Variants in ZFP69B observed in about 807,000 individuals in gnomAD.
The protein encoded by ZFP69B is ZFP69 zinc finger protein B, also known as zinc finger protein 69 homolog B.
ZFP69B carries 20 observed loss-of-function variants against 19.7 expected under a neutral mutation model. The ratio of observed to expected loss-of-function variants is 1.02; its 90% confidence interval spans 0.71 to 1.48. The LOEUF (loss-of-function observed/expected upper bound fraction) is 1.48, where lower values mean the gene tolerates loss of function less well. Ranked by LOEUF, ZFP69B falls within the 40% of genes most tolerant of loss-of-function variation. The pLI is 0.00. For synonymous variants in ZFP69B, 220 were observed against 222.7 expected (o/e 0.99, Z 0.11); for missense variants, 583 against 632.6 (o/e 0.92, Z 0.84).
intron 4 of ZFP69B, among the ~76,000 whole-genome samples, chr1:40,460,160 C>T (rs1157933944): frequency 6.6e-6 from 1 of 152,084 alleles, no homozygotes; most frequent in Non-Finnish European, 1.5e-5. Context: ...CATCCACAAC[C>T]CATCAATTTC....
chr1:40,450,199 T>G (rs1645170607), upstream of ZFP69B: 1 of 152,262 alleles, frequency 6.6e-6, no homozygotes, highest in Admixed American at 6.5e-5. Flanking sequence ...TGTCCCGGGC[T>G]TGGGGAGCTG....
chr1:40,451,913 T>C (rs12564652), intron 1 of ZFP69B, among the ~76,000 whole-genome samples: 12,998 of 151,930 alleles, frequency 0.086, 730 homozygotes, highest in East Asian at 0.21. Flanking sequence ...GAGTTTGAGG[T>C]CAGCAGTTTG....
Position 40,463,028 on chromosome 1 carries a change from A to G in ZFP69B, c.1044A>G (p.Ser348=), listed in dbSNP as rs761884118. 21 of 1,614,154 alleles carry G rather than the reference A, an allele frequency of 1.3e-5. No homozygotes were observed. Among genetic ancestry groups the G allele is most frequent in the East Asian group, 2.2e-5 (1 of 44,876 alleles). ...GTGGGAAAACCTTCAGACATCCTTCATCGCTTACTCAACATGTTAGAATTC... is the reference window on the plus strand; with the variant it reads ...GTGGGAAAACCTTCAGACATCCTTCGTCGCTTACTCAACATGTTAGAATTC... ...KECGKTFRHP[S]SLTQHVRIHT... The change falls in exon 5 of 5, where the codon TCA becomes TCG. Residue 348 remains serine (S), a synonymous_variant. Coordinates refer to ENST00000361584, the MANE Select transcript of ZFP69B (RefSeq NM_023070.3).
Position 40,457,385 on chromosome 1 carries a change from A to G in ZFP69B, c.382A>G (p.Lys128Glu), listed in dbSNP as rs369459004. 5 of 1,614,018 alleles carry G rather than the reference A, an allele frequency of 3.1e-6. No individual in the cohort carries two copies. The South Asian group carries it at 5.5e-5, about 18-fold the overall frequency. Residue 128 changes from lysine to glutamate, a missense_variant, in exon 4 of 5, where the codon AAA (lysine) becomes GAA (glutamate). By Grantham distance (56) the Lys-to-Glu change is moderately conservative. Transcript: ENST00000361584. The stretch of plus-strand genomic sequence containing the variant: ...ACCTGGCGTGATTTCCCAGTTGGAG[A>G]AAGGAGAAGAACCATGGCTGATGGA... ...SKPGVISQLE[K>E]GEEPWLMERD...
In ZFP69B at chr1:40,457,056, A is replaced by G; in HGVS notation, c.325A>G (p.Asn109Asp). The change falls in exon 3 of 5, where the codon AAC becomes GAC. Residue 109 changes from asparagine (N) to aspartate (D), a missense_variant. By Grantham distance (23) the Asn-to-Asp change is conservative. Coordinates refer to ENST00000361584, the MANE Select transcript of ZFP69B (RefSeq NM_023070.3). ...YREVMLENYG[N>D]LVSVGCQLSK... is the part of the protein sequence containing the mutation. ...GGAGGTGATGCTGGAGAACTATGGGAACCTGGTCTCAGTGGGTAAGGATGG... is the reference window on the plus strand; with the variant it reads ...GGAGGTGATGCTGGAGAACTATGGGGACCTGGTCTCAGTGGGTAAGGATGG... The G allele has an allele frequency of 6.2e-7, 1 of 1,606,560 alleles. No individual in the cohort carries two copies. The highest frequency in any genetic ancestry group is 1.1e-5 in the South Asian group (1 of 89,548).
intron 2 of ZFP69B, among the ~76,000 whole-genome samples, chr1:40,455,441 TG>T (rs1343230535): frequency 6.6e-6 from 1 of 152,210 alleles, no homozygotes; most frequent in Non-Finnish European, 1.5e-5. Context: ...AGGTTAAATG[TG>T]GATGCTAACA....
rs746180211 is a variant in ZFP69B at position 40,462,983 on chromosome 1, A to G, written c.999A>G (p.Lys333=). 1 of 1,614,078 alleles carries G rather than the reference A, an allele frequency of 6.2e-7. No homozygotes were observed. Among genetic ancestry groups the G allele is most frequent in the Non-Finnish European group, 8.5e-7 (1 of 1,180,002 alleles). ...ATCAGAGAATTCATACTGGTGAGAA[A>G]CCCTATGAATGTAAGGAGTGTGGGA... The part of the protein sequence containing the change: ...IPHQRIHTGE[K]PYECKECGKT... Residue 333 remains lysine (K), a synonymous_variant, in exon 5 of 5, where the codon AAA becomes AAG. Transcript: ENST00000361584.
At chr1:40,459,765 A>G (rs1476979526) in intron 4 of ZFP69B, among the ~76,000 whole-genome samples, 2 of 152,154 alleles carry the variant, frequency 1.3e-5, no homozygotes, top group African/African-American at 2.4e-5. Context: ...TCAGTAATCT[A>G]AACATCTCTG....
Position 40,450,796 on chromosome 1 carries a change from T to A in ZFP69B, c.-166T>A, listed in dbSNP as rs888102672. On this transcript the variant is annotated 5_prime_UTR_variant, in exon 1 of 5. Coordinates refer to ENST00000361584, the MANE Select transcript of ZFP69B (RefSeq NM_023070.3). ...GATCTCGGATTTTGATACTGTATGT[T>A]CCCTGGGTTCCTGAGAGAGGACATT... The A allele has an allele frequency of 2.1e-5, 14 of 668,198 alleles. No homozygotes were observed. In the African/African-American group the frequency reaches 2.6e-4, roughly 13 times the overall value. The allele number at this position is 668,198 out of a possible 1,614,324, so 41.4% of individuals were successfully genotyped here.
intron 2 of ZFP69B, among the ~76,000 whole-genome samples, chr1:40,456,125 A>T (rs1569975275): frequency 6.6e-6 from 1 of 152,158 alleles, no homozygotes; most frequent in East Asian, 1.9e-4. Context: ...TATACCCAGT[A>T]GTGGGATTGC....
In ZFP69B at chr1:40,454,237, C is replaced by T. The variant is rs757289069; in HGVS notation, c.162C>T (p.Gly54=). Residue 54 remains glycine (G), a synonymous_variant, in exon 2 of 5, where the codon GGC becomes GGT. Transcript: ENST00000361584. ...LLSQDADETQ[G]ESLESRVTLG... is the part of the protein sequence containing the mutation. ...CTCAGGATGCTGATGAGACCCAGGG[C>T]GAAAGTTTAGAGAGTAGAGTGACCC... 1.9e-5 allele frequency: 30 copies of T among 1,604,776 alleles called. No individual in the cohort carries two copies. In the Middle Eastern group the frequency reaches 6.6e-4, roughly 36 times the overall value.
chr1:40,450,357 G>A (rs373959447), upstream of ZFP69B, among the ~76,000 whole-genome samples: 7 of 152,364 alleles, frequency 4.6e-5, no homozygotes, highest in East Asian at 3.9e-4. Context: ...CTCATTTGGG[G>A]AGGAGGAGGC....
At position 40,462,970 on chromosome 1, in the gene ZFP69B, A is replaced by T. The variant is rs780617088; in HGVS notation, c.986A>T (p.His329Leu). The part of the protein sequence containing the change: ...SSSLIPHQRI[H>L]TGEKPYECKE... ...TCTCTTATTCCGCATCAGAGAATTC[A>T]TACTGGTGAGAAACCCTATGAATGT... Residue 329 changes from histidine to leucine, a missense_variant, in exon 5 of 5, where the codon CAT becomes CTT. By Grantham distance (99) the His-to-Leu change is moderately conservative. Coordinates refer to ENST00000361584, the MANE Select transcript of ZFP69B (RefSeq NM_023070.3). 5 of 1,614,182 alleles carry T rather than the reference A, an allele frequency of 3.1e-6. No individual in the cohort carries two copies. The highest frequency in any genetic ancestry group is 4.2e-6 in the Non-Finnish European group (5 of 1,180,024).
In ZFP69B at chr1:40,450,568, A is replaced by G. The variant is rs987539017; in HGVS notation, c.-394A>G. ...CCGTCTCCGTGTATCTTTTGGAAAC[A>G]TTTTACAGTGATCCATATATGTTCT... On this transcript the variant is annotated 5_prime_UTR_variant, in exon 1 of 5. Coordinates refer to ENST00000361584, the MANE Select transcript of ZFP69B (RefSeq NM_023070.3). 1 of 153,942 alleles carries G rather than the reference A, an allele frequency of 6.5e-6. No individual in the cohort carries two copies. The highest frequency in any genetic ancestry group is 2.4e-5 in the African/African-American group (1 of 41,494). The allele number at this position is 153,942 out of a possible 1,614,324, so 9.5% of individuals were successfully genotyped here. A position where few individuals can be genotyped will look rare whatever the true frequency, so the allele number is the denominator to read the frequency against.
chr1:40,462,776 A>C lies in ZFP69B; in HGVS notation c.792A>C (p.Ile264=). 1 of 1,613,580 alleles carries C rather than the reference A, an allele frequency of 6.2e-7. No individual in the cohort carries two copies. Among genetic ancestry groups the C allele is most frequent in the Non-Finnish European group, 8.5e-7 (1 of 1,179,860 alleles). ...CTGGAAAGAGAAGCAGATACAACAT[A>C]GATTTAGTTAATCATTCAAGGAGTT... is the stretch of plus-strand genomic sequence containing the variant. The part of the protein sequence containing the change: ...DTPGKRSRYN[I]DLVNHSRSYT... The change falls in exon 5 of 5, where the codon ATA becomes ATC. Residue 264 remains isoleucine, a synonymous_variant. Coordinates refer to ENST00000361584, the MANE Select transcript of ZFP69B (RefSeq NM_023070.3).
intron 4 of ZFP69B, among the ~76,000 whole-genome samples, chr1:40,460,639 G>A (rs1645273429): frequency 6.6e-6 from 1 of 151,580 alleles, no homozygotes; most frequent in African/African-American, 2.4e-5. Flanking sequence ...GAGGTCAGGA[G>A]TTCAAGACCA....
chr1:40,461,864 C>T (rs1013436898), intron 4 of ZFP69B, among the ~76,000 whole-genome samples: 2 of 152,094 alleles, frequency 1.3e-5, no homozygotes, highest in African/African-American at 4.8e-5. Flanking sequence ...AGTTTATATC[C>T]TCTTGCAGTT....
chr1:40,454,434 T>A (rs1405066323), intron 2 of ZFP69B, 146 bp downstream of exon 2: 1 of 536,564 alleles, frequency 1.9e-6, no homozygotes, highest in African/African-American at 2.0e-5. Flanking sequence ...AGTCTCACTC[T>A]GTCACCCAGG....
At chr1:40,457,288 T>C (rs1257379426) in intron 3 of ZFP69B, 56 bp from the exon 4 acceptor site, 2 of 1,581,948 alleles carry the variant, frequency 1.3e-6, no homozygotes, top group Non-Finnish European at 1.7e-6. Flanking sequence ...CATATTTAAA[T>C]TCTTGGGATG....
Sources: gnomAD v4.1 joint callset for allele counts (sites outside exome capture counted in the v4.1 genomes callset) on GRCh38, gnomAD v4.1.1 for gene constraint, MANE v1.5 for transcripts, NCBI Gene and HGNC (gene_info 2026-07-23, HGNC 2026-07-21) for gene names.